TTC21A: variants seen among roughly 807,000 people sequenced by gnomAD.
TTC21A encodes tetratricopeptide repeat protein 21A.
A neutral mutation model predicts 156.4 loss-of-function variants in TTC21A; 128 were observed. The ratio of observed to expected loss-of-function variants is 0.82; its 90% CI spans 0.71 to 0.95. TTC21A has a LOEUF of 0.95. Among genes scored for constraint, TTC21A ranks in the 40% least tolerant of loss-of-function variants. The pLI is 0.00. For synonymous variants in TTC21A, 587 were observed against 617.1 expected, an observed-to-expected ratio of 0.95 and a Z score of 0.72; for missense variants, 1,435 against 1,602.3, an observed-to-expected ratio of 0.90 and a Z score of 1.78.
At chr3:39,110,542 G>GCC (rs149537517) in intron 3 of TTC21A, among the ~76,000 whole-genome samples, 69,219 of 151,910 alleles carry the variant, frequency 0.46, 18,783 homozygotes, top group African/African-American at 0.78. Flanking sequence ...CTCACAATAA[G>GCC]TTGTGGGCCT....
In TTC21A at chr3:39,130,555, C is replaced by T; in HGVS notation, c.2320-146C>T. On this transcript the variant is annotated intron_variant, in intron 17 of 28. Transcript: ENST00000683103. The surrounding 1 kb of genome is among the most constrained non-coding windows in gnomAD (Gnocchi z 4.5). ...ACACCTGCTTAAGCTGAGGGTTACA[C>T]CCTGTGCCAGCTGGGAGGAGTGCCT... 8.8e-7 allele frequency: 1 copy of T among 1,133,470 alleles called. No homozygotes were observed. Among genetic ancestry groups the T allele is most frequent in the Non-Finnish European group, 1.3e-6 (1 of 784,694 alleles). The allele number at this position is 1,133,470 out of a possible 1,614,324, so 70.2% of individuals were successfully genotyped here. A position where few individuals can be genotyped will look rare whatever the true frequency, so the allele number is the denominator to read the frequency against.
chr3:39,134,356 C>CCCCT lies in TTC21A; in HGVS notation c.2862+33_2862+36dup. The CCCCT allele has an allele frequency of 2.0e-6, 3 of 1,479,242 alleles. No individual in the cohort carries two copies. Among genetic ancestry groups the CCCCT allele is most frequent in the Non-Finnish European group, 1.9e-6 (2 of 1,057,122 alleles). 91.6% of individuals were successfully genotyped at this position (1,479,242 alleles called of 1,614,324 possible). A position where few individuals can be genotyped will look rare whatever the true frequency, so the allele number is the denominator to read the frequency against. On this transcript the variant is annotated intron_variant, in intron 21 of 28. Transcript: ENST00000683103. The surrounding 1 kb of genome is among the most constrained non-coding windows in gnomAD (Gnocchi z 4.6). ...AGGAAGCCCCCAGCACCCACTCCCT[C>CCCCT]CCCTCCCTTCCTCCCTTCCCAGGGT...
intron 13 of TTC21A, 112 bp from the exon 14 acceptor site, chr3:39,128,605 A>G: frequency 6.4e-7 from 1 of 1,561,136 alleles, no homozygotes; most frequent in South Asian, 1.2e-5. Context: ...TGCTCGTCCA[A>G]AGGCAGGGGT....
chr3:39,109,100 T>C lies in TTC21A; in HGVS notation c.43T>C (p.Tyr15His), dbSNP rs750245022. 6.2e-7 allele frequency: 1 copy of C among 1,614,068 alleles called. No homozygotes were observed. The highest frequency in any genetic ancestry group is 1.7e-5 in the Admixed American group (1 of 60,024). Reference protein sequence around the residue: ...DSSLMAGIIYYSQEKYFHHVQ... With the variant: ...DSSLMAGIIYHSQEKYFHHVQ... ...CTTCATACAGGCTGGGATCATTTACTATAGCCAGGAAAAGTACTTCCACCA... is the reference window on the plus strand; with the variant it reads ...CTTCATACAGGCTGGGATCATTTACCATAGCCAGGAAAAGTACTTCCACCA... Residue 15 changes from tyrosine (Y) to histidine (H), a missense_variant, in exon 2 of 29, where the codon TAT becomes CAT. Coordinates refer to ENST00000683103, the MANE Select transcript of TTC21A (RefSeq NM_001366900.1).
intron 6 of TTC21A, among the ~76,000 whole-genome samples, chr3:39,115,838 A>T (rs1478345284): frequency 6.6e-6 from 1 of 152,154 alleles, no homozygotes; most frequent in African/African-American, 2.4e-5. Flanking sequence ...ACAGGTCTAA[A>T]AAAAAAAGCA....
chr3:39,130,912 G>A lies in TTC21A; in HGVS notation c.2458+73G>A. The A allele has an allele frequency of 6.2e-7, 1 of 1,608,994 alleles. No homozygotes were observed. The highest frequency in any genetic ancestry group is 8.5e-7 in the Non-Finnish European group (1 of 1,176,224). On this transcript the variant is annotated intron_variant, in intron 18 of 28. Coordinates refer to ENST00000683103, the MANE Select transcript of TTC21A (RefSeq NM_001366900.1). The surrounding 1 kb of genome is among the most constrained non-coding windows in gnomAD (Gnocchi z 4.5). ...CCTCCCCCATTCCCCATTAGCTGAA[G>A]TCCTGATCCCAGCGCTCCCCACCAA...
chr3:39,125,544 G>C lies in TTC21A; in HGVS notation c.1392+12G>C. The C allele has an allele frequency of 1.3e-6, 2 of 1,594,336 alleles. No individual in the cohort carries two copies. Among genetic ancestry groups the C allele is most frequent in the East Asian group, 2.2e-5 (1 of 44,802 alleles). ...TCTGCCCCAAGCAGGTTAGGGGAAG[G>C]CCTGTCTTCATGGTGGGGGTCTGGA... On this transcript the variant is annotated intron_variant, in intron 11 of 28. Coordinates refer to ENST00000683103, the MANE Select transcript of TTC21A (RefSeq NM_001366900.1).
intron 5 of TTC21A, 115 bp downstream of exon 5, chr3:39,112,695 G>A: frequency 6.8e-7 from 1 of 1,474,580 alleles, no homozygotes; most frequent in Non-Finnish European, 9.1e-7. Flanking sequence ...TCATCTCGTA[G>A]ATAAAGAGCA....
At position 39,129,081 on chromosome 3, in the gene TTC21A, A is replaced by G. The variant is rs1327957819; in HGVS notation, c.1906A>G (p.Thr636Ala). Residue 636 changes from threonine to alanine, a missense_variant, in exon 15 of 29, where the codon ACC (threonine) becomes GCC (alanine). Physicochemically the swap from Thr to Ala is moderately conservative, Grantham distance 58. Transcript: ENST00000683103. ...LRLNGELHEA[T>A]KVMQDTINEF... ...GATTCCCATGTTTTAGCATGAGGCCACCAAGGTCATGCAGGACACCATCAA... is the reference window on the plus strand; with the variant it reads ...GATTCCCATGTTTTAGCATGAGGCCGCCAAGGTCATGCAGGACACCATCAA... The G allele has an allele frequency of 2.5e-6, 4 of 1,614,084 alleles. No individual in the cohort carries two copies. The Admixed American group carries it at 5.0e-5, about 20-fold the overall frequency.
chr3:39,129,849 GAGAGGAACAGGTAGAGGGCCTGGCC>G (rs2038588164), intron 15 of TTC21A, among the ~76,000 whole-genome samples: 2 of 152,232 alleles, frequency 1.3e-5, no homozygotes, highest in African/African-American at 4.8e-5. Flanking sequence ...CAGGTAGAGT[GAGAGGAACAGGTAGAGGGCCTGGCC>G]ATGGCCTAAC....
rs750821454 is a variant in TTC21A, at chr3:39,128,444, A to C, written c.1636A>C (p.Met546Leu). The C allele has an allele frequency of 6.2e-7, 1 of 1,614,188 alleles. No individual in the cohort carries two copies. Residue 546 changes from methionine (M) to leucine (L), a missense_variant, in exon 13 of 29, where the codon ATG becomes CTG. Physicochemically the swap from Met to Leu is conservative, Grantham distance 15. Coordinates refer to ENST00000683103, the MANE Select transcript of TTC21A (RefSeq NM_001366900.1). ...CTACTTGGCTCAGGGCAACTTTGGC[A>C]TGTGCTTCCACTGCTTAGAGCTGGG... ...QIYLAQGNFGMCFHCLELGVS... is the reference protein window; with the variant it reads ...QIYLAQGNFGLCFHCLELGVS...
chr3:39,136,564 A>G, intron 23 of TTC21A, 57 bp downstream of exon 23: 3 of 1,586,460 alleles, frequency 1.9e-6, no homozygotes, highest in Non-Finnish European at 2.6e-6. Context: ...CTACTGGCAG[A>G]TAGGCTAGGC....
At chr3:39,136,542 G>A (rs377008513) in intron 23 of TTC21A, 35 bp downstream of exon 23, 25 of 1,604,492 alleles carry the variant, frequency 1.6e-5, no homozygotes, top group Non-Finnish European at 2.0e-5. Flanking sequence ...GGGCAGCTGT[G>A]TGCAGGAAGC....
At chr3:39,112,710 C>T in intron 5 of TTC21A, 130 bp downstream of exon 5, 1 of 1,414,672 alleles carries the variant, frequency 7.1e-7, no homozygotes, top group Non-Finnish European at 9.4e-7. Context: ...AGAGCAGAGG[C>T]CCAGAGAGGT....
rs61746458 is a variant in TTC21A, at chr3:39,130,176, G to A, written c.2208+25G>A. 1.2e-6 allele frequency: 2 copies of A among 1,612,864 alleles called. No homozygotes were observed. Among genetic ancestry groups the A allele is most frequent in the African/African-American group, 2.7e-5 (2 of 74,896 alleles). On this transcript the variant is annotated intron_variant, in intron 16 of 28. Coordinates refer to ENST00000683103, the MANE Select transcript of TTC21A (RefSeq NM_001366900.1). This position sits in a 1 kb window ranked among gnomAD's most constrained non-coding sequence, Gnocchi z 4.5. ...GGTAAGTGAGAGGCCTCACAGCCTT[G>A]CCAAGTGGCCCCCCAGTCTCCCTTC...
intron 3 of TTC21A, chr3:39,110,411 T>G: frequency 1.8e-6 from 1 of 560,966 alleles, no homozygotes. Flanking sequence ...GGAAACACCC[T>G]TCTTCTTTGC....
intron 2 of TTC21A, 24 bp from the exon 3 acceptor site, chr3:39,110,005 T>C: frequency 6.4e-7 from 1 of 1,567,576 alleles, no homozygotes; most frequent in Non-Finnish European, 8.8e-7. Context: ...CTTGAGAGTA[T>C]AACTATGTGG....
At chr3:39,123,073 C>T in intron 9 of TTC21A, among the ~76,000 whole-genome samples, 1 of 152,148 alleles carries the variant, frequency 6.6e-6, no homozygotes, top group African/African-American at 2.4e-5. Context: ...AAGGCTAGTA[C>T]AGAAAAGACT....
chr3:39,138,471 G>C, intron 27 of TTC21A, 84 bp downstream of exon 27: 1 of 1,613,676 alleles, frequency 6.2e-7, no homozygotes, highest in Non-Finnish European at 8.5e-7. Flanking sequence ...CAGAACTCAA[G>C]GCCTGTACCC....
Sources: gnomAD v4.1 joint callset for allele counts (sites outside exome capture counted in the v4.1 genomes callset) on GRCh38, gnomAD v4.1.1 for gene constraint, Gnocchi (gnomAD v3.1) non-coding constraint, MANE v1.5 for transcripts, NCBI Gene and HGNC (gene_info 2026-07-23, HGNC 2026-07-21) for gene names.